ADIPOR2: variants seen among roughly 807,000 people sequenced by gnomAD.
ADIPOR2 encodes adiponectin receptor protein 2.
Under a neutral mutation model 40.9 loss-of-function variants are expected in ADIPOR2, and 18 were observed. The observed-to-expected ratio is 0.44, with a 90% CI of 0.30 to 0.65. ADIPOR2 has a LOEUF of 0.65. Ranked by LOEUF, ADIPOR2 falls within the 30% of genes least tolerant of loss-of-function variation. The pLI is 0.09. For missense variants in ADIPOR2, 283 were observed against 479.2 expected (o/e 0.59, Z 3.82); for synonymous variants, 165 against 166.4 (o/e 0.99, Z 0.06).
intron 1 of ADIPOR2, among the ~76,000 whole-genome samples, chr12:1,693,024 G>T (rs1162427001): frequency 6.6e-6 from 1 of 152,010 alleles, no homozygotes; most frequent in Non-Finnish European, 1.5e-5. Flanking sequence ...GTGTGGTGGC[G>T]CACTCTTGTT....
chr12:1,778,786 T>C (rs1862653603), intron 4 of ADIPOR2, among the ~76,000 whole-genome samples: 1 of 152,198 alleles, frequency 6.6e-6, no homozygotes, highest in East Asian at 1.9e-4. Context: ...ACAAATCAGC[T>C]AGTTGGTAAG....
At chr12:1,721,477 C>T (rs1192174956) in intron 1 of ADIPOR2, among the ~76,000 whole-genome samples, 1 of 152,042 alleles carries the variant, frequency 6.6e-6, no homozygotes, top group Non-Finnish European at 1.5e-5. Context: ...TGGCCTGCCA[C>T]AGTGCTGGGA....
At chr12:1,760,833 G>A (rs1428461943) in intron 2 of ADIPOR2, 2 of 152,250 alleles carry the variant, frequency 1.3e-5, no homozygotes, top group African/African-American at 2.4e-5. Flanking sequence ...GATCTGAGTG[G>A]TGTGATGAAA....
At chr12:1,726,668 C>CT (rs35978313) in intron 1 of ADIPOR2, among the ~76,000 whole-genome samples, 60,316 of 150,044 alleles carry the variant, frequency 0.4, 13,641 homozygotes, top group Non-Finnish European at 0.52. Flanking sequence ...CTTTGTACAG[C>CT]TTTTTTTTTT....
chr12:1,693,119 C>T (rs2094630588), intron 1 of ADIPOR2, among the ~76,000 whole-genome samples: 1 of 152,066 alleles, frequency 6.6e-6, no homozygotes, highest in South Asian at 2.1e-4. Context: ...TGCACCATTG[C>T]ACTCCAGTCT....
intron 1 of ADIPOR2, among the ~76,000 whole-genome samples, chr12:1,705,368 TA>T (rs2094660075): frequency 6.6e-6 from 1 of 152,204 alleles, no homozygotes; most frequent in Non-Finnish European, 1.5e-5. Flanking sequence ...CATTTTTATG[TA>T]CAGATTGAGC....
chr12:1,715,694 G>T (rs912631131), intron 1 of ADIPOR2, among the ~76,000 whole-genome samples: 1 of 152,162 alleles, frequency 6.6e-6, no homozygotes, highest in African/African-American at 2.4e-5. Context: ...TTAGAGGGGG[G>T]ATTGAGAGGT....
At chr12:1,699,350 G>A (rs954767328) in intron 1 of ADIPOR2, among the ~76,000 whole-genome samples, 1 of 152,152 alleles carries the variant, frequency 6.6e-6, no homozygotes, top group African/African-American at 2.4e-5. Flanking sequence ...GGGTGCGGTC[G>A]CTCAGGCCTG....
chr12:1,771,319 G>A (rs1862490106), intron 2 of ADIPOR2, among the ~76,000 whole-genome samples: 1 of 151,888 alleles, frequency 6.6e-6, no homozygotes, highest in Admixed American at 6.6e-5. Flanking sequence ...AGCCATGATC[G>A]CACCACTGTA....
chr12:1,704,928 GTTTA>G (rs1293387083), intron 1 of ADIPOR2, among the ~76,000 whole-genome samples: 1 of 152,110 alleles, frequency 6.6e-6, no homozygotes, highest in Non-Finnish European at 1.5e-5. Context: ...GTAGATACAA[GTTTA>G]TTTTTAGATT....
At chr12:1,704,360 AC>A (rs1004807008) in intron 1 of ADIPOR2, among the ~76,000 whole-genome samples, 1 of 152,116 alleles carries the variant, frequency 6.6e-6, no homozygotes, top group African/African-American at 2.4e-5. Context: ...GGTCTCACTC[AC>A]ATGTCATTTC....
At chr12:1,743,658 A>G (rs2094748554) in intron 1 of ADIPOR2, among the ~76,000 whole-genome samples, 1 of 152,146 alleles carries the variant, frequency 6.6e-6, no homozygotes, top group Non-Finnish European at 1.5e-5. Flanking sequence ...GTGAGACCCT[A>G]TCTCTAAAAA....
chr12:1,725,246 C>T (rs1013094652), intron 1 of ADIPOR2, among the ~76,000 whole-genome samples: 4 of 152,058 alleles, frequency 2.6e-5, no homozygotes, highest in African/African-American at 7.2e-5. Flanking sequence ...CTCAGTCTCC[C>T]GAGTAGTTGG....
chr12:1,714,000 G>A (rs750194470), intron 1 of ADIPOR2, among the ~76,000 whole-genome samples: 2 of 152,060 alleles, frequency 1.3e-5, no homozygotes, highest in African/African-American at 4.8e-5. Context: ...CGCTTGCCCC[G>A]GGCACCCTCA....
At chr12:1,784,314 G>A (rs2154444564) in intron 7 of ADIPOR2, among the ~76,000 whole-genome samples, 1 of 152,344 alleles carries the variant, frequency 6.6e-6, no homozygotes, top group East Asian at 1.9e-4. Context: ...ACATACATTA[G>A]CCCTATGTGG....
chr12:1,755,887 T>G (rs1376035985), intron 2 of ADIPOR2, among the ~76,000 whole-genome samples: 1 of 152,156 alleles, frequency 6.6e-6, no homozygotes, highest in Admixed American at 6.5e-5. Context: ...TTAAATTGTT[T>G]TAGTTTTATA....
At chr12:1,785,488 AC>A (rs1392236756) in intron 7 of ADIPOR2, among the ~76,000 whole-genome samples, 3 of 152,224 alleles carry the variant, frequency 2.0e-5, no homozygotes, top group African/African-American at 7.2e-5. Context: ...CATTTAAATG[AC>A]CATAGCTCTA....
At chr12:1,783,082 C>T (rs1430666805) in intron 6 of ADIPOR2, among the ~76,000 whole-genome samples, 1 of 149,394 alleles carries the variant, frequency 6.7e-6, no homozygotes, top group Non-Finnish European at 1.5e-5. Flanking sequence ...ATCTGCCTGC[C>T]TCGGCCTCCC....
chr12:1,765,739 TTTTTC>T (rs773276173), intron 2 of ADIPOR2, among the ~76,000 whole-genome samples: 16 of 152,144 alleles, frequency 1.1e-4, no homozygotes, highest in Non-Finnish European at 2.1e-4. Flanking sequence ...TTTTCCCCCT[TTTTTC>T]TTCTATAGCC....
Sources: allele counts gnomAD v4.1 joint callset (sites outside exome capture counted in the v4.1 genomes callset), GRCh38; gene constraint gnomAD v4.1.1; transcripts MANE v1.5; gene names NCBI Gene and HGNC (gene_info 2026-07-23, HGNC 2026-07-21).